Variants in CDC42BPA observed in about 807,000 individuals in gnomAD.
The protein encoded by CDC42BPA is CDC42 binding protein kinase alpha, also known as serine/threonine-protein kinase MRCK alpha.
CDC42BPA carries 80 observed loss-of-function variants against 223.5 expected under a neutral mutation model. The ratio of observed to expected loss-of-function variants is 0.36; its 90% CI spans 0.30 to 0.43. CDC42BPA has a LOEUF of 0.43. Among genes scored for constraint, CDC42BPA ranks in the 20% least tolerant of loss-of-function variants. The pLI, the probability that CDC42BPA is intolerant of heterozygous loss-of-function variation, is 1.00. For synonymous variants in CDC42BPA, 694 were observed against 718.6 expected (o/e 0.97, Z 0.55); for missense variants, 1,743 against 2,099.9 (o/e 0.83, Z 3.32).
intron 15 of CDC42BPA, among the ~76,000 whole-genome samples, chr1:227,099,040 GTTT>G (rs1684513634): frequency 6.6e-6 from 1 of 151,954 alleles, no homozygotes; most frequent in South Asian, 2.1e-4. Context: ...TATTGTAACT[GTTT>G]TAAGTACTAA....
Position 227,317,521 on chromosome 1 carries a change from A to AC in CDC42BPA, c.-340_-339insG, listed in dbSNP as rs1694598324. The AC allele has an allele frequency of 2.5e-6, 1 of 398,620 alleles. No individual in the cohort carries two copies. Among genetic ancestry groups the AC allele is most frequent in the Non-Finnish European group, 4.4e-6 (1 of 226,232 alleles). The allele number at this position is 398,620 out of a possible 1,614,324, so 24.7% of individuals were successfully genotyped here. A position where few individuals can be genotyped will look rare whatever the true frequency, so the allele number is the denominator to read the frequency against. On this transcript the variant is annotated 5_prime_UTR_variant, in exon 1 of 37. An upstream open reading frame in the 5' UTR loses its in-frame stop. Coordinates refer to ENST00000366766, the MANE Select transcript of CDC42BPA (RefSeq NM_001394014.1). ...GAGTCAACACTTCTTTAAAAAAAAA[A>AC]AAAAAAACTCTTCTCCTTCATTCAA... is the stretch of plus-strand genomic sequence containing the variant.
chr1:227,193,062 A>AT, intron 5 of CDC42BPA, among the ~76,000 whole-genome samples: 1 of 134,206 alleles, frequency 7.5e-6, no homozygotes, highest in African/African-American at 3.0e-5. Context: ...GGAAGTGAGA[A>AT]CTTTTTTTTT....
chr1:227,148,029 G>A (rs780526075), intron 6 of CDC42BPA, among the ~76,000 whole-genome samples: 6 of 151,982 alleles, frequency 3.9e-5, no homozygotes, highest in Non-Finnish European at 7.4e-5. Flanking sequence ...GAAAATACAC[G>A]TCAATAATGT....
intron 19 of CDC42BPA, among the ~76,000 whole-genome samples, chr1:227,073,033 G>A (rs560717696): frequency 7.2e-5 from 11 of 152,034 alleles, no homozygotes; most frequent in Non-Finnish European, 1.5e-4. Context: ...TCATGTATCT[G>A]GCCTTTGATT....
At chr1:227,253,238 G>C (rs532938043) in intron 2 of CDC42BPA, among the ~76,000 whole-genome samples, 4 of 142,498 alleles carry the variant, frequency 2.8e-5, no homozygotes, top group South Asian at 2.2e-4. Context: ...GGGAGAGAGA[G>C]AAAGAGAGCG....
chr1:227,162,833 C>A (rs1664163105), intron 5 of CDC42BPA, among the ~76,000 whole-genome samples: 1 of 140,732 alleles, frequency 7.1e-6, no homozygotes, highest in African/African-American at 2.9e-5. Flanking sequence ...GAGAAACTGT[C>A]TCCAAAAGAA....
intron 15 of CDC42BPA, among the ~76,000 whole-genome samples, chr1:227,093,625 A>G (rs1479344683): frequency 3.3e-5 from 5 of 152,178 alleles, no homozygotes; most frequent in African/African-American, 7.2e-5. Flanking sequence ...CCAATCATTA[A>G]TCAATGTTAT....
intron 23 of CDC42BPA, among the ~76,000 whole-genome samples, chr1:227,047,226 C>T (rs1247789942): frequency 6.6e-6 from 1 of 152,074 alleles, no homozygotes; most frequent in Non-Finnish European, 1.5e-5. Context: ...CCTTATCCTG[C>T]CTCATGTTAC....
chr1:227,265,073 G>C, intron 1 of CDC42BPA: 1 of 776,012 alleles, frequency 1.3e-6, no homozygotes, highest in Non-Finnish European at 2.4e-6. Flanking sequence ...ATCCTGCATT[G>C]CATTGTATCC....
intron 1 of CDC42BPA, among the ~76,000 whole-genome samples, chr1:227,265,684 T>C (rs891986849): frequency 3.3e-5 from 5 of 151,746 alleles, no homozygotes; most frequent in Admixed American, 6.6e-5. Flanking sequence ...AATTAGAACC[T>C]CCCATCTATT....
At chr1:227,231,988 T>C (rs929554904) in intron 2 of CDC42BPA, among the ~76,000 whole-genome samples, 1 of 152,230 alleles carries the variant, frequency 6.6e-6, no homozygotes, top group African/African-American at 2.4e-5. Flanking sequence ...TTTAGTTTAA[T>C]TAGATCCCAT....
Position 227,129,243 on chromosome 1 carries a change from A to G in CDC42BPA, c.1391-12T>C. ...AGTCTGTGTTGACTCTTTAAAAAAA[A>G]GGATAAAAGAAATAAAAATATCACC... On this transcript the variant is annotated splice_polypyrimidine_tract_variant and intron_variant, in intron 10 of 36. Coordinates refer to ENST00000366766, the MANE Select transcript of CDC42BPA (RefSeq NM_001394014.1). 1.3e-6 allele frequency: 2 copies of G among 1,539,684 alleles called. No individual in the cohort carries two copies. Among genetic ancestry groups the G allele is most frequent in the Admixed American group, 2.3e-5 (1 of 42,634 alleles).
At chr1:227,296,933 A>G (rs1346947244) in intron 1 of CDC42BPA, among the ~76,000 whole-genome samples, 1 of 152,204 alleles carries the variant, frequency 6.6e-6, no homozygotes, top group Non-Finnish European at 1.5e-5. Context: ...AATAATATAC[A>G]TGACAAAGAA....
chr1:227,178,665 T>C (rs1014083634), intron 5 of CDC42BPA, among the ~76,000 whole-genome samples: 1 of 152,166 alleles, frequency 6.6e-6, no homozygotes, highest in Non-Finnish European at 1.5e-5. Flanking sequence ...CCAGCTAATG[T>C]TGTATTTTTA....
chr1:227,153,404 T>C (rs1662152624), intron 6 of CDC42BPA, among the ~76,000 whole-genome samples: 1 of 151,866 alleles, frequency 6.6e-6, no homozygotes, highest in Non-Finnish European at 1.5e-5. Context: ...TATAATACTA[T>C]GAATATTAAA....
intron 5 of CDC42BPA, among the ~76,000 whole-genome samples, chr1:227,177,895 T>C (rs1667243405): frequency 2.0e-5 from 3 of 152,198 alleles, no homozygotes; most frequent in Non-Finnish European, 2.9e-5. Flanking sequence ...AATTTGAATA[T>C]ACTTTATTCC....
At position 227,180,857 on chromosome 1, in the gene CDC42BPA, C is replaced by T. The variant is rs563095433; in HGVS notation, c.599+12929G>A. Among the ~76,000 whole-genome samples the T allele has an allele frequency of 1.7e-3, 253 of 150,790 alleles. 3 individuals are homozygous for T. Among genetic ancestry groups the T allele is most frequent in the African/African-American group, 5.3e-3 (219 of 41,158 alleles). On this transcript the variant is annotated intron_variant, in intron 5 of 36. Transcript: ENST00000366766. Reference sequence around the variant, plus strand: ...CATTTTTGAAGTTATAGTTCACAATCTAAATAGCAAGTCTAGTGCTGAGTT... The same window carrying T: ...CATTTTTGAAGTTATAGTTCACAATTTAAATAGCAAGTCTAGTGCTGAGTT...
chr1:227,191,360 A>G (rs1669681958), intron 5 of CDC42BPA, among the ~76,000 whole-genome samples: 1 of 151,934 alleles, frequency 6.6e-6, no homozygotes, highest in African/African-American at 2.4e-5. Flanking sequence ...AAAAGAGAAG[A>G]GAAGAAATTC....
chr1:227,081,778 C>T (rs1680717737), intron 16 of CDC42BPA, among the ~76,000 whole-genome samples: 1 of 152,016 alleles, frequency 6.6e-6, no homozygotes, highest in South Asian at 2.1e-4. Context: ...CTTATCCCCT[C>T]CTCCTGTACT....
Sources: gnomAD v4.1 joint callset for allele counts (sites outside exome capture counted in the v4.1 genomes callset) on GRCh38, gnomAD v4.1.1 for gene constraint, MANE v1.5 for transcripts, NCBI Gene and HGNC (gene_info 2026-07-23, HGNC 2026-07-21) for gene names.